The following OPHN1 variants were observed in gnomAD, a reference collection of about 807,000 sequenced individuals.
OPHN1 encodes oligophrenin-1.
Under a neutral mutation model 60.7 loss-of-function variants are expected in OPHN1, and 11 were observed. The ratio of observed to expected loss-of-function variants is 0.18; its 90% confidence interval spans 0.11 to 0.30. The LOEUF (loss-of-function observed/expected upper bound fraction) is 0.30, where lower values mean the gene tolerates loss of function less well. Among genes scored for constraint, OPHN1 ranks in the 10% least tolerant of loss-of-function variants. OPHN1 has a pLI of 1.00. For synonymous variants in OPHN1, 226 were observed against 222.6 expected (o/e 1.02, Z -0.14); for missense variants, 449 against 611.0 (o/e 0.73, Z 2.80).
At chrX:68,253,388 G>A (rs2077845808) in intron 5 of OPHN1, among the ~76,000 whole-genome samples, 1 of 111,233 alleles carries the variant, frequency 9.0e-6, no homozygotes, top group Non-Finnish European at 1.9e-5. Context: ...AACTCATACA[G>A]CTCTGCCCAA....
In OPHN1 at chrX:68,382,414, G is replaced by C. The variant is rs759793358; in HGVS notation, c.154+50453C>G. ...ACCAGATGGCCTAAGTTAGAATCTAGGATTCACCATGTACAACCAGTTTGG... is the reference window on the plus strand; with the variant it reads ...ACCAGATGGCCTAAGTTAGAATCTACGATTCACCATGTACAACCAGTTTGG... On this transcript the variant is annotated intron_variant, in intron 2 of 24. Transcript: ENST00000355520. Among the ~76,000 whole-genome samples the C allele has an allele frequency of 3.6e-5, 4 of 111,513 alleles. No homozygotes were observed. In the South Asian group the frequency reaches 1.5e-3, roughly 42 times the overall value.
chrX:68,422,601 GAAA>G lies in OPHN1; in HGVS notation c.154+10263_154+10265del, dbSNP rs2078831965. Among the ~76,000 whole-genome samples, 6 of 67,926 alleles carry G rather than the reference GAAA, an allele frequency of 8.8e-5. No individual in the cohort carries two copies. In the East Asian group the frequency reaches 2.5e-3, roughly 28 times the overall value. 59.0% of individuals were successfully genotyped at this position (67,926 alleles called of 115,157 possible). ...AAGGGAGGGAAGAAAGAAAGAAAAAGAAAAGAAAAAGAGAGAGAGAAAGAAAGA... is the reference window on the plus strand; with the variant it reads ...AAGGGAGGGAAGAAAGAAAGAAAAAGAGAAAAAGAGAGAGAGAAAGAAAGA... On this transcript the variant is annotated intron_variant, in intron 2 of 24. Transcript: ENST00000355520.
rs768840940 is a variant in OPHN1 at position 68,111,950 on chromosome X, T to C, written c.1430A>G (p.Asn477Ser). 8.4e-7 allele frequency: 1 copy of C among 1,191,209 alleles called. No homozygotes were observed. The highest frequency in any genetic ancestry group is 1.8e-5 in the South Asian group (1 of 56,483). The change falls in exon 18 of 25, where the codon AAC becomes AGC. Residue 477 changes from asparagine to serine, a missense_variant. Asn to Ser is a conservative substitution (Grantham distance 46). Coordinates refer to ENST00000355520, the MANE Select transcript of OPHN1 (RefSeq NM_002547.3). Reference protein sequence around the residue: ...KELVSAAKSDNLDYRLGAIHS... With the variant: ...KELVSAAKSDSLDYRLGAIHS... ...AATAGCTCCTAGGCGGTAATCCAGGTTGTCAGACTCTGGGATAGAACAGTA... is the reference window on the plus strand; with the variant it reads ...AATAGCTCCTAGGCGGTAATCCAGGCTGTCAGACTCTGGGATAGAACAGTA...
At chrX:68,260,139 G>A (rs760049817) in intron 5 of OPHN1, among the ~76,000 whole-genome samples, 1 of 109,218 alleles carries the variant, frequency 9.2e-6, no homozygotes, top group South Asian at 4.0e-4. Flanking sequence ...AAGCCCCTTT[G>A]TGATTCTTTT....
Position 68,207,407 on chromosome X carries a change from A to G in OPHN1, c.833-734T>C, listed in dbSNP as rs1421377481. Among the ~76,000 whole-genome samples the G allele has an allele frequency of 3.6e-5, 4 of 110,946 alleles. No homozygotes were observed. The Admixed American group carries it at 3.8e-4, about 11-fold the overall frequency. On this transcript the variant is annotated intron_variant, in intron 9 of 24. Transcript: ENST00000355520. ...CAGCCTCCCAAAGTGCTGGGATTACAGGCATGAGCCACAGCGCTGGGCCCA... is the reference window on the plus strand; with the variant it reads ...CAGCCTCCCAAAGTGCTGGGATTACGGGCATGAGCCACAGCGCTGGGCCCA...
At chrX:68,069,035 G>A (rs1364573714) in intron 20 of OPHN1, among the ~76,000 whole-genome samples, 1 of 111,639 alleles carries the variant, frequency 9.0e-6, no homozygotes, top group Non-Finnish European at 1.9e-5. Flanking sequence ...GCTTTAAAAT[G>A]GTGCATTTTA....
At chrX:68,091,771 G>A (rs1030386658) in intron 19 of OPHN1, among the ~76,000 whole-genome samples, 14 of 110,962 alleles carry the variant, frequency 1.3e-4, no homozygotes, top group Non-Finnish European at 1.7e-4. Flanking sequence ...GAAAACAGAA[G>A]TCAACCTTCC....
chrX:68,157,906 T>A (rs1016672255), intron 15 of OPHN1, among the ~76,000 whole-genome samples: 3 of 111,973 alleles, frequency 2.7e-5, no homozygotes, highest in Admixed American at 1.9e-4. Context: ...AAATGAAATA[T>A]GAGGGATCAA....
At chrX:68,078,983 C>CT (rs1569205586) in intron 19 of OPHN1, among the ~76,000 whole-genome samples, 2 of 92,556 alleles carry the variant, frequency 2.2e-5, no homozygotes, top group East Asian at 4.3e-4. Flanking sequence ...AAGACTGTCT[C>CT]AAAATAAATA....
At chrX:68,163,481 T>G (rs758579247) in intron 15 of OPHN1, among the ~76,000 whole-genome samples, 1 of 109,431 alleles carries the variant, frequency 9.1e-6, no homozygotes, top group Non-Finnish European at 1.9e-5. Context: ...AATTTATCCA[T>G]TCATTTGTCA....
chrX:68,136,171 TTAAA>T lies in OPHN1; in HGVS notation c.1277-16843_1277-16840del, dbSNP rs780829600. Among the ~76,000 whole-genome samples the T allele has an allele frequency of 4.5e-5, 5 of 110,738 alleles. No homozygotes were observed. The South Asian group carries it at 1.9e-3, about 43-fold the overall frequency. The stretch of plus-strand genomic sequence containing the variant: ...TTAAATATTATTAAATATAAAGTTA[TTAAA>T]TATATGTGTGTGTGTGTGTATAACA... On this transcript the variant is annotated intron_variant, in intron 15 of 24. Transcript: ENST00000355520.
At position 68,167,721 on chromosome X, in the gene OPHN1, G is replaced by GTATA. The variant is rs372934703; in HGVS notation, c.1276+25194_1276+25197dup. 2.1e-3 allele frequency among the ~76,000 whole-genome samples: 219 copies of GTATA among 104,785 alleles called. 1 individual carries two copies. Among genetic ancestry groups the GTATA allele is most frequent in the African/African-American group, 7.5e-3 (214 of 28,374 alleles). The allele number at this position is 104,785 out of a possible 115,157, so 91.0% of individuals were successfully genotyped here. ...TACACATATGTGTATATGTGTGTGT[G>GTATA]TATATATATATATATACACCCAAAA... On this transcript the variant is annotated intron_variant, in intron 15 of 24. Coordinates refer to ENST00000355520, the MANE Select transcript of OPHN1 (RefSeq NM_002547.3).
At chrX:68,217,370 C>A (rs1336861960) in intron 6 of OPHN1, among the ~76,000 whole-genome samples, 1 of 111,765 alleles carries the variant, frequency 8.9e-6, no homozygotes, top group Non-Finnish European at 1.9e-5. Context: ...CCGCCATTGC[C>A]CAGGCTTGCA....
chrX:68,365,929 C>T (rs1267881240), intron 2 of OPHN1, among the ~76,000 whole-genome samples: 1 of 106,088 alleles, frequency 9.4e-6, no homozygotes, highest in Non-Finnish European at 1.9e-5. Flanking sequence ...CACACTCATG[C>T]TCTCAGAAAA....
chrX:68,422,818 AAAG>A (rs1344274319), intron 2 of OPHN1, among the ~76,000 whole-genome samples: 4 of 107,741 alleles, frequency 3.7e-5, no homozygotes, highest in Non-Finnish European at 7.7e-5. Context: ...AGGGAAAAAG[AAAG>A]AAAGAAAGAG....
chrX:68,383,939 G>C (rs4316283), intron 2 of OPHN1, among the ~76,000 whole-genome samples: 34,686 of 110,417 alleles, frequency 0.31, 7,947 homozygotes, highest in African/African-American at 0.81. Context: ...AAGGAGGAAC[G>C]TTTGCCAGTT....
chrX:68,381,590 C>T (rs141255896), intron 2 of OPHN1, among the ~76,000 whole-genome samples: 4 of 111,269 alleles, frequency 3.6e-5, no homozygotes, highest in East Asian at 2.8e-4. Flanking sequence ...ATTTTATTTC[C>T]ACCTAGGTTC....
At position 68,064,155 on chromosome X, in the gene OPHN1, C is replaced by T. The variant is rs914327070; in HGVS notation, c.1857G>A (p.Pro619=). Residue 619 remains proline (P), a synonymous_variant, in exon 21 of 25, where the codon CCG becomes CCA. Coordinates refer to ENST00000355520, the MANE Select transcript of OPHN1 (RefSeq NM_002547.3). The stretch of plus-strand genomic sequence containing the variant: ...CTATGCTGCTGGTGATAGTACCATT[C>T]GGTGTTTGATGTTGGATTTCATCTA... ...ESEDEIQHQT[P]NGTITSSIEP... The T allele has an allele frequency of 9.1e-6, 11 of 1,208,589 alleles. No individual in the cohort carries two copies. The highest frequency in any genetic ancestry group is 1.2e-5 in the Non-Finnish European group (11 of 894,693).
intron 2 of OPHN1, among the ~76,000 whole-genome samples, chrX:68,318,182 C>T (rs905267378): frequency 9.0e-6 from 1 of 111,658 alleles, no homozygotes; most frequent in Non-Finnish European, 1.9e-5. Flanking sequence ...ATGAACCCCC[C>T]CAAAAAACAA....
Sources: allele counts gnomAD v4.1 joint callset (sites outside exome capture counted in the v4.1 genomes callset), GRCh38; gene constraint gnomAD v4.1.1; transcripts MANE v1.5; gene names NCBI Gene and HGNC (gene_info 2026-07-23, HGNC 2026-07-21).